Variants in PHKA1 observed in about 807,000 individuals in gnomAD.
The protein encoded by PHKA1 is phosphorylase b kinase regulatory subunit alpha, skeletal muscle isoform.
A neutral mutation model predicts 110.2 loss-of-function variants in PHKA1; 60 were observed. The ratio of observed to expected loss-of-function variants is 0.54; its 90% CI spans 0.44 to 0.68. PHKA1 has a LOEUF of 0.68. PHKA1 is among the 30% of genes least tolerant of loss of function. The probability of loss-of-function intolerance (pLI) is 0.00; values close to 1 mark genes in which losing one functional copy is unlikely to be tolerated. For missense variants in PHKA1, 801 were observed against 942.5 expected (o/e 0.85, Z 1.97); for synonymous variants, 316 against 333.6 (o/e 0.95, Z 0.58).
intron 8 of PHKA1, among the ~76,000 whole-genome samples, chrX:72,658,725 T>A (rs1471570621): frequency 1.8e-5 from 2 of 111,958 alleles, no homozygotes; most frequent in South Asian, 7.5e-4. Flanking sequence ...TGTTTTCTCA[T>A]GATCAGAGTA....
intron 6 of PHKA1, among the ~76,000 whole-genome samples, chrX:72,668,066 T>C (rs1358792544): frequency 2.7e-5 from 3 of 112,220 alleles, no homozygotes; most frequent in Non-Finnish European, 3.8e-5. Flanking sequence ...CATACTATTA[T>C]CTCATATGGC....
At chrX:72,622,066 C>A (rs1285082468) in intron 18 of PHKA1, 2 of 741,801 alleles carry the variant, frequency 2.7e-6, no homozygotes, top group East Asian at 1.5e-4. Context: ...GCCAAGACAT[C>A]ATGACTTTTG....
At chrX:72,588,083 T>C (rs2052461176) in intron 29 of PHKA1, among the ~76,000 whole-genome samples, 1 of 111,830 alleles carries the variant, frequency 8.9e-6, no homozygotes, top group South Asian at 3.7e-4. Flanking sequence ...CAAGCACACC[T>C]AATAGACATC....
intron 6 of PHKA1, among the ~76,000 whole-genome samples, chrX:72,668,852 G>A (rs1479261694): frequency 1.2e-4 from 13 of 111,693 alleles, no homozygotes; most frequent in South Asian, 3.8e-4. Flanking sequence ...AATCTCATCC[G>A]TGAGTCTGAA....
In PHKA1 at chrX:72,609,617, T is replaced by C. The variant is rs782683238; in HGVS notation, c.2606+7A>G. On this transcript the variant is annotated splice_region_variant and intron_variant, in intron 23 of 31. Transcript: ENST00000373542. The stretch of plus-strand genomic sequence containing the variant: ...AGAGAAGCCTGACCAAACCCAGCCA[T>C]ACTCACGCAGAGATAGTCTTTTCTC... 47 of 1,179,324 alleles carry C rather than the reference T, an allele frequency of 4.0e-5. No homozygotes were observed. In the South Asian group the frequency reaches 6.8e-4, roughly 17 times the overall value.
At chrX:72,692,780 C>G (rs781960438) in intron 4 of PHKA1, among the ~76,000 whole-genome samples, 10 of 110,803 alleles carry the variant, frequency 9.0e-5, no homozygotes, top group Non-Finnish European at 1.9e-4. Context: ...AAAGAATGAA[C>G]TTTTGGTTTT....
intron 13 of PHKA1, among the ~76,000 whole-genome samples, chrX:72,645,485 G>A (rs1452740071): frequency 8.9e-6 from 1 of 111,991 alleles, no homozygotes; most frequent in African/African-American, 3.3e-5. Context: ...GCTGTTGTCT[G>A]GGCCAGGATA....
intron 4 of PHKA1, among the ~76,000 whole-genome samples, chrX:72,691,119 T>C (rs1447314066): frequency 2.7e-5 from 3 of 112,915 alleles, no homozygotes; most frequent in Non-Finnish European, 5.6e-5. Context: ...TTCATTCTTT[T>C]GCATGTGGAC....
chrX:72,706,358 T>C (rs181209709), intron 2 of PHKA1, among the ~76,000 whole-genome samples: 260 of 111,824 alleles, frequency 2.3e-3, no homozygotes, highest in African/African-American at 7.4e-3. Context: ...CTGAAACATT[T>C]ATTATAAAGC....
At chrX:72,644,242 TA>T in intron 14 of PHKA1, 119 bp downstream of exon 14, 1 of 827,098 alleles carries the variant, frequency 1.2e-6, no homozygotes, top group Non-Finnish European at 1.8e-6. Context: ...CTAGAGACTC[TA>T]AATTCCTTCT....
chrX:72,632,974 A>C (rs1556289131), intron 16 of PHKA1, among the ~76,000 whole-genome samples: 1 of 112,190 alleles, frequency 8.9e-6, no homozygotes, highest in Non-Finnish European at 1.9e-5. Flanking sequence ...CAAGTACCAA[A>C]AATGCTTGAT....
intron 7 of PHKA1, 67 bp downstream of exon 7, chrX:72,667,308 G>A (rs1363982169): frequency 1.3e-6 from 1 of 778,683 alleles, no homozygotes; most frequent in Non-Finnish European, 1.9e-6. Flanking sequence ...TTAATCTAAA[G>A]CTCATGCTTA....
At chrX:72,702,965 T>C (rs1309711963) in intron 3 of PHKA1, among the ~76,000 whole-genome samples, 2 of 111,561 alleles carry the variant, frequency 1.8e-5, no homozygotes, top group Non-Finnish European at 3.8e-5. Flanking sequence ...TGGAAGCCCA[T>C]AGTGGAGGGA....
rs1012245176 is a variant in PHKA1 at position 72,673,051 on chromosome X, A to G, written c.618+3019T>C. Among the ~76,000 whole-genome samples the G allele has an allele frequency of 2.7e-5, 3 of 111,917 alleles. No individual in the cohort carries two copies. The South Asian group carries it at 1.1e-3, about 42-fold the overall frequency. On this transcript the variant is annotated intron_variant, in intron 6 of 31. Transcript: ENST00000373542. ...AAGAGACATTACAATTAAATGTAAT[A>G]TGTTATCTTAGACTGGATCCTGGAT... is the stretch of plus-strand genomic sequence containing the variant.
At chrX:72,663,289 G>A (rs2053580987) in intron 8 of PHKA1, among the ~76,000 whole-genome samples, 2 of 107,540 alleles carry the variant, frequency 1.9e-5, no homozygotes, top group Admixed American at 2.0e-4. Context: ...AAGAATTTCT[G>A]AACTTGGAGG....
intron 12 of PHKA1, among the ~76,000 whole-genome samples, chrX:72,651,564 T>A (rs2053430065): frequency 9.0e-6 from 1 of 110,907 alleles, no homozygotes; most frequent in Non-Finnish European, 1.9e-5. Context: ...AAAATAAATT[T>A]TAAAAAAAGA....
chrX:72,695,984 C>T (rs1238512606), intron 3 of PHKA1, 108 bp from the exon 4 acceptor site: 2 of 651,718 alleles, frequency 3.1e-6, no homozygotes, highest in Non-Finnish European at 5.1e-6. Flanking sequence ...GATACACTAT[C>T]TTCAGGCAAT....
chrX:72,670,719 T>C (rs2053682426), intron 6 of PHKA1, among the ~76,000 whole-genome samples: 1 of 111,272 alleles, frequency 9.0e-6, no homozygotes, highest in Non-Finnish European at 1.9e-5. Context: ...CAGCAGCACA[T>C]CAAAAAGCTT....
At chrX:72,631,278 G>A (rs894071731) in intron 16 of PHKA1, among the ~76,000 whole-genome samples, 1 of 111,773 alleles carries the variant, frequency 8.9e-6, no homozygotes, top group Non-Finnish European at 1.9e-5. Flanking sequence ...ATCTTTGCAT[G>A]ATAACACCAA....
Sources: gnomAD v4.1 joint callset for allele counts (sites outside exome capture counted in the v4.1 genomes callset) on GRCh38, gnomAD v4.1.1 for gene constraint, MANE v1.5 for transcripts, NCBI Gene and HGNC (gene_info 2026-07-23, HGNC 2026-07-21) for gene names.